Variants in FBXO30 observed in about 807,000 individuals in gnomAD.
FBXO30 encodes the protein F-box only protein 30.
In FBXO30, 21 loss-of-function variants were observed where a neutral mutation model predicts 58.1. That is an observed-to-expected ratio of 0.36 (90% CI 0.26 to 0.52). The LOEUF is 0.52. Among genes scored for constraint, FBXO30 ranks in the 20% least tolerant of loss-of-function variants. The probability of loss-of-function intolerance (pLI) is 0.93; values close to 1 mark genes in which losing one functional copy is unlikely to be tolerated. For missense variants in FBXO30, 744 were observed against 897.3 expected, an observed-to-expected ratio of 0.83 and a Z score of 2.18; for synonymous variants, 309 against 312.4, an observed-to-expected ratio of 0.99 and a Z score of 0.11.
rs1385757184 is a variant in FBXO30, at chr6:145,798,103, C to T, written c.*2003G>A. 6.6e-6 allele frequency: 1 copy of T among 151,948 alleles called. No individual in the cohort carries two copies. Among genetic ancestry groups the T allele is most frequent in the Non-Finnish European group, 1.5e-5 (1 of 67,938 alleles). The allele number at this position is 151,948 out of a possible 1,614,324, so 9.4% of individuals were successfully genotyped here. The stretch of plus-strand genomic sequence containing the variant: ...CAACTACCATAACATGCAGAAAATC[C>T]ACATTACAGAAACAATATGATTGTG... On this transcript the variant is annotated 3_prime_UTR_variant, in exon 3 of 3. Coordinates refer to ENST00000237281, the MANE Select transcript of FBXO30 (RefSeq NM_032145.5).
In FBXO30 at chr6:145,794,509, T is replaced by C. The variant is rs1777832453; in HGVS notation, c.*5597A>G. 6.6e-6 allele frequency: 1 copy of C among 151,972 alleles called. No homozygotes were observed. The highest frequency in any genetic ancestry group is 2.4e-5 in the African/African-American group (1 of 41,442). The allele number at this position is 151,972 out of a possible 1,614,324, so 9.4% of individuals were successfully genotyped here. Reference sequence around the variant, plus strand: ...GCCATTCAGAGTAAGTTATTTCATATGACATGGCTGTCATGACAAAGCTAT... The same window carrying C: ...GCCATTCAGAGTAAGTTATTTCATACGACATGGCTGTCATGACAAAGCTAT... On this transcript the variant is annotated 3_prime_UTR_variant, in exon 3 of 3. Transcript: ENST00000237281.
intron 1 of FBXO30, among the ~76,000 whole-genome samples, chr6:145,810,650 A>G (rs1165526332): frequency 6.6e-6 from 1 of 152,240 alleles, no homozygotes; most frequent in Non-Finnish European, 1.5e-5. Flanking sequence ...AATAGTTCTA[A>G]GACATGGCAT....
At chr6:145,808,347 G>C (rs998748966) in intron 1 of FBXO30, among the ~76,000 whole-genome samples, 1 of 151,848 alleles carries the variant, frequency 6.6e-6, no homozygotes, top group African/African-American at 2.4e-5. Flanking sequence ...TAAATCTGGA[G>C]GCATATTTTT....
chr6:145,804,666 A>G lies in FBXO30; in HGVS notation c.1740T>C (p.His580=), dbSNP rs557400688. Reference sequence around the variant, plus strand: ...CTCCAAATGACCTCAAATGGCGGTCATGTATAATCTTTGCTCCTTGTATTG... The same window carrying G: ...CTCCAAATGACCTCAAATGGCGGTCGTGTATAATCTTTGCTCCTTGTATTG... ...CPSIQGAKII[H]DRHLRSFGVQ... Residue 580 remains histidine (H), a synonymous_variant, in exon 2 of 3, where the codon CAT becomes CAC. Coordinates refer to ENST00000237281, the MANE Select transcript of FBXO30 (RefSeq NM_032145.5). 84 of 1,613,954 alleles carry G rather than the reference A, an allele frequency of 5.2e-5. No homozygotes were observed. In the South Asian group the frequency reaches 8.5e-4, roughly 16 times the overall value.
At chr6:145,807,928 G>C (rs573211458) in intron 1 of FBXO30, among the ~76,000 whole-genome samples, 2 of 152,056 alleles carry the variant, frequency 1.3e-5, no homozygotes, top group South Asian at 2.1e-4. Flanking sequence ...TGGAGTTCAA[G>C]ACCAGCCTGG....
chr6:145,804,996 T>G lies in FBXO30; in HGVS notation c.1410A>C (p.Thr470=). 6.2e-7 allele frequency: 1 copy of G among 1,613,872 alleles called. No individual in the cohort carries two copies. The highest frequency in any genetic ancestry group is 8.5e-7 in the Non-Finnish European group (1 of 1,179,912). ...AAGCTATCTCCCCAACCATTGTACT[T>G]GTAGCTAATATTGCAGATGGAAGTG... The part of the protein sequence containing the change: ...TFSLPSAILA[T]STMVGEIASA... Residue 470 remains threonine, a synonymous_variant, in exon 2 of 3, where the codon ACA becomes ACC. Transcript: ENST00000237281.
At position 145,814,679 on chromosome 6, in the gene FBXO30, CGACGCT is replaced by C. The variant is rs1167196388; in HGVS notation, c.-99_-94del. The C allele has an allele frequency of 6.6e-6, 1 of 152,326 alleles. No homozygotes were observed. The highest frequency in any genetic ancestry group is 1.5e-5 in the Non-Finnish European group (1 of 68,318). The allele number at this position is 152,326 out of a possible 1,614,324, so 9.4% of individuals were successfully genotyped here. ...GCCCAGCTGCTCCGCTCTGTCCCGG[CGACGCT>C]CCGTACCCCACACAGCCGTCCGAAC... On this transcript the variant is annotated 5_prime_UTR_variant, in exon 1 of 3. Coordinates refer to ENST00000237281, the MANE Select transcript of FBXO30 (RefSeq NM_032145.5).
chr6:145,806,321 C>T lies in FBXO30; in HGVS notation c.85G>A (p.Asp29Asn). The change falls in exon 2 of 3, where the codon GAT becomes AAT. Residue 29 changes from aspartate (D) to asparagine (N), a missense_variant. Around this residue, in one of 3 missense-constraint regions of FBXO30, gnomAD observed 135 missense variants for 201.6 expected, o/e 0.67. Transcript: ENST00000237281. ...MTRPEPGISCDLIGCPLVCGA... is the reference protein window; with the variant it reads ...MTRPEPGISCNLIGCPLVCGA... ...CAAACCAATGGACAACCAATCAAAT[C>T]ACAGGAAATCCCTGGCTCTGGCCTG... 1 of 1,614,012 alleles carries T rather than the reference C, an allele frequency of 6.2e-7. No homozygotes were observed. The highest frequency in any genetic ancestry group is 8.5e-7 in the Non-Finnish European group (1 of 1,179,966).
In FBXO30 at chr6:145,794,131, C is replaced by G. The variant is rs1777824720; in HGVS notation, c.*5975G>C. On this transcript the variant is annotated 3_prime_UTR_variant, in exon 3 of 3. Coordinates refer to ENST00000237281, the MANE Select transcript of FBXO30 (RefSeq NM_032145.5). ...TACCCATGAAGCAGTCACTCCCATT[C>G]CCCCAGCAACCATGAATCTGATTTA... The G allele has an allele frequency of 6.6e-6, 1 of 151,926 alleles. No homozygotes were observed. Among genetic ancestry groups the G allele is most frequent in the Admixed American group, 6.6e-5 (1 of 15,248 alleles). The allele number at this position is 151,926 out of a possible 1,614,324, so 9.4% of individuals were successfully genotyped here. A position where few individuals can be genotyped will look rare whatever the true frequency, so the allele number is the denominator to read the frequency against.
chr6:145,809,544 T>C (rs1450392488), intron 1 of FBXO30, among the ~76,000 whole-genome samples: 1 of 152,176 alleles, frequency 6.6e-6, no homozygotes, highest in Non-Finnish European at 1.5e-5. Context: ...CAACAGGGTC[T>C]GAGTTAAAAG....
chr6:145,800,537 A>T (rs1330895461), intron 2 of FBXO30, among the ~76,000 whole-genome samples: 1 of 152,086 alleles, frequency 6.6e-6, no homozygotes, highest in East Asian at 1.9e-4. Context: ...TCTAAAAACA[A>T]TAAAAGACAA....
rs1353799151 is a variant in FBXO30, at chr6:145,805,405, G to C, written c.1001C>G (p.Ala334Gly). ...TSKPSSSLAV[A>G]AQLREIIPSS... Reference sequence around the variant, plus strand: ...TGGTATTATTTCCCTAAGTTGTGCTGCCACCGCAAGTGAGCTGGAAGGTTT... The same window carrying C: ...TGGTATTATTTCCCTAAGTTGTGCTCCCACCGCAAGTGAGCTGGAAGGTTT... The change falls in exon 2 of 3, where the codon GCA (alanine) becomes GGA (glycine). Residue 334 changes from alanine to glycine, a missense_variant. Physicochemically the swap from Ala to Gly is moderately conservative, Grantham distance 60. Coordinates refer to ENST00000237281, the MANE Select transcript of FBXO30 (RefSeq NM_032145.5). 10 of 1,614,004 alleles carry C rather than the reference G, an allele frequency of 6.2e-6. No individual in the cohort carries two copies. Among genetic ancestry groups the C allele is most frequent in the Non-Finnish European group, 8.5e-6 (10 of 1,179,960 alleles).
Position 145,804,801 on chromosome 6 carries a change from G to A in FBXO30, c.1605C>T (p.His535=). 3 of 1,613,938 alleles carry A rather than the reference G, an allele frequency of 1.9e-6. No homozygotes were observed. Among genetic ancestry groups the A allele is most frequent in the South Asian group, 1.1e-5 (1 of 91,086 alleles). Reference sequence around the variant, plus strand: ...GAATGTCACCATGCACATTCTTAAAGTGGGAAGAAAATTCTTTCCTTCTAA... The same window carrying A: ...GAATGTCACCATGCACATTCTTAAAATGGGAAGAAAATTCTTTCCTTCTAA... ...QLFRRKEFSS[H]FKNVHGDIHA... The change falls in exon 2 of 3, where the codon CAC becomes CAT. Residue 535 remains histidine (H), a synonymous_variant. Transcript: ENST00000237281.
rs1449755185 is a variant in FBXO30 at position 145,804,726 on chromosome 6, A to G, written c.1680T>C (p.Tyr560=). 6.2e-7 allele frequency: 1 copy of G among 1,613,986 alleles called. No individual in the cohort carries two copies. The highest frequency in any genetic ancestry group is 8.5e-7 in the Non-Finnish European group (1 of 1,179,894). Residue 560 remains tyrosine, a synonymous_variant, in exon 2 of 3, where the codon TAT becomes TAC. Transcript: ENST00000237281. ...ATCTACGCTGAGAATAGGTACAACC[A>G]TAGTAAGCTAAAGGGCACCTCTGTT... The part of the protein sequence containing the change: ...WMEQRCPLAY[Y]GCTYSQRRFC...
rs1777824866 is a variant in FBXO30, at chr6:145,794,141, C to T, written c.*5965G>A. The T allele has an allele frequency of 6.6e-6, 1 of 151,966 alleles. No individual in the cohort carries two copies. The highest frequency in any genetic ancestry group is 1.5e-5 in the Non-Finnish European group (1 of 67,878). 9.4% of individuals were successfully genotyped at this position (151,966 alleles called of 1,614,324 possible). ...GCAGTCACTCCCATTCCCCCAGCAA[C>T]CATGAATCTGATTTATCTCTATGAA... On this transcript the variant is annotated 3_prime_UTR_variant, in exon 3 of 3. Coordinates refer to ENST00000237281, the MANE Select transcript of FBXO30 (RefSeq NM_032145.5).
chr6:145,804,446 G>C lies in FBXO30; in HGVS notation c.1960C>G (p.Arg654Gly). The C allele has an allele frequency of 6.2e-7, 1 of 1,613,570 alleles. No individual in the cohort carries two copies. The highest frequency in any genetic ancestry group is 1.1e-5 in the South Asian group (1 of 91,060). The change falls in exon 2 of 3, where the codon CGT becomes GGT. Residue 654 changes from arginine (R) to glycine (G), a missense_variant. By Grantham distance (125) the Arg-to-Gly change is moderately radical (BLOSUM62 -2). Coordinates refer to ENST00000237281, the MANE Select transcript of FBXO30 (RefSeq NM_032145.5). Reference sequence around the variant, plus strand: ...CCCCACTGCAGTATGACCATGCCACGAGACTGAAGCAGGCTGCCACACACA... The same window carrying C: ...CCCCACTGCAGTATGACCATGCCACCAGACTGAAGCAGGCTGCCACACACA... The part of the protein sequence containing the change: ...RDVCGSLLQS[R>G]GMVILQWGKR...
At position 145,806,080 on chromosome 6, in the gene FBXO30, T is replaced by C; in HGVS notation, c.326A>G (p.Asn109Ser). 1 of 1,614,094 alleles carries C rather than the reference T, an allele frequency of 6.2e-7. No homozygotes were observed. Among genetic ancestry groups the C allele is most frequent in the Non-Finnish European group, 8.5e-7 (1 of 1,179,984 alleles). The change falls in exon 2 of 3, where the codon AAT (asparagine) becomes AGT (serine). Residue 109 changes from asparagine to serine, a missense_variant. Asn to Ser is a conservative substitution (Grantham distance 46). Coordinates refer to ENST00000237281, the MANE Select transcript of FBXO30 (RefSeq NM_032145.5). ...VSYADRKSYE[N>S]LSRDVDEVAQ... ...CACTTCATCGACATCTCTGCTTAGA[T>C]TTTCATATGATTTCCGGTCTGCATA...
chr6:145,809,946 G>T (rs924518078), intron 1 of FBXO30: 2 of 152,170 alleles, frequency 1.3e-5, no homozygotes, highest in South Asian at 4.1e-4. Flanking sequence ...TCTGTAACTG[G>T]TGATCCAATG....
rs774762944 is a variant in FBXO30 at position 145,805,406 on chromosome 6, C to T, written c.1000G>A (p.Ala334Thr). 83 of 1,613,878 alleles carry T rather than the reference C, an allele frequency of 5.1e-5. No individual in the cohort carries two copies. Among genetic ancestry groups the T allele is most frequent in the Non-Finnish European group, 6.9e-5 (82 of 1,179,958 alleles). Residue 334 changes from alanine (A) to threonine (T), a missense_variant, in exon 2 of 3, where the codon GCA (alanine) becomes ACA (threonine). Around this residue, in one of 3 missense-constraint regions of FBXO30, gnomAD observed 275 missense variants for 262.0 expected, o/e 1.05. Transcript: ENST00000237281. ...TSKPSSSLAV[A>T]AQLREIIPSS... ...GGTATTATTTCCCTAAGTTGTGCTG[C>T]CACCGCAAGTGAGCTGGAAGGTTTT...
Sources: gnomAD v4.1 joint callset for allele counts (sites outside exome capture counted in the v4.1 genomes callset) on GRCh38, gnomAD v4.1.1 for gene constraint, gnomAD v4.1.1 regional missense constraint, MANE v1.5 for transcripts, NCBI Gene and HGNC (gene_info 2026-07-23, HGNC 2026-07-21) for gene names.